The following RAG1 variants were observed in gnomAD, a reference collection of about 807,000 sequenced individuals.
RAG1 encodes V(D)J recombination-activating protein 1.
RAG1 carries 35 observed loss-of-function variants against 62.7 expected under a neutral mutation model. That is an observed-to-expected ratio of 0.56 (90% confidence interval 0.43 to 0.74). RAG1 has a LOEUF of 0.74. Among genes scored for constraint, RAG1 ranks in the 30% least tolerant of loss-of-function variants. RAG1 has a pLI of 0.00. For synonymous variants in RAG1, 461 were observed against 470.3 expected (o/e 0.98, Z 0.26); for missense variants, 1,169 against 1,278.6 (o/e 0.91, Z 1.31).
Position 36,575,087 on chromosome 11 carries a change from A to G in RAG1, c.1783A>G (p.Thr595Ala). Residue 595 changes from threonine to alanine, a missense_variant, in exon 2 of 2, where the codon ACT becomes GCT. By Grantham distance (58) the Thr-to-Ala change is moderately conservative (BLOSUM62 0). Transcript: ENST00000299440. This position sits in a 1 kb window ranked among gnomAD's most constrained non-coding sequence, Gnocchi z 4.1. ...TGATGATTACCTGAATGGCCCCTTCACTGTGGTGGTGAAGGAGTCTTGTGA... is the reference window on the plus strand; with the variant it reads ...TGATGATTACCTGAATGGCCCCTTCGCTGTGGTGGTGAAGGAGTCTTGTGA... ...DLDDYLNGPF[T>A]VVVKESCDGM... 6.2e-7 allele frequency: 1 copy of G among 1,614,168 alleles called. No individual in the cohort carries two copies.
chr11:36,532,319 G>C (rs1018204648), intron 2 of RAG1, among the ~76,000 whole-genome samples: 3 of 151,966 alleles, frequency 2.0e-5, no homozygotes, highest in African/African-American at 7.2e-5. Flanking sequence ...TATGTGTTTT[G>C]TGGGAAGTAT....
intron 2 of RAG1, among the ~76,000 whole-genome samples, chr11:36,524,507 A>G (rs986232348): frequency 1.4e-5 from 2 of 143,672 alleles, no homozygotes; most frequent in South Asian, 2.2e-4. Flanking sequence ...TTTTTTTTTC[A>G]GACAAGGTCT....
intron 2 of RAG1, among the ~76,000 whole-genome samples, chr11:36,524,548 T>C (rs570202631): frequency 6.6e-6 from 1 of 151,662 alleles, no homozygotes; most frequent in East Asian, 1.9e-4. Flanking sequence ...GATGCAGTGA[T>C]GCAATCAGTG....
At chr11:36,570,206 A>G (rs564073040) in intron 1 of RAG1, among the ~76,000 whole-genome samples, 5 of 152,178 alleles carry the variant, frequency 3.3e-5, no homozygotes, top group Non-Finnish European at 7.4e-5. Context: ...CAAAGATAAT[A>G]TATTCAAAAA....
intron 1 of RAG1, among the ~76,000 whole-genome samples, chr11:36,517,242 T>G (rs1860008508): frequency 6.6e-6 from 1 of 152,224 alleles, no homozygotes; most frequent in Non-Finnish European, 1.5e-5. Flanking sequence ...GCAACAGTAT[T>G]ATTTTCAATA....
intron 3 of RAG1, among the ~76,000 whole-genome samples, chr11:36,542,346 G>A (rs1008274540): frequency 3.3e-5 from 5 of 152,224 alleles, no homozygotes; most frequent in African/African-American, 1.2e-4. Flanking sequence ...GTTGTACACA[G>A]GGTAACATAG....
At chr11:36,524,233 C>G (rs1860123683) in intron 2 of RAG1, among the ~76,000 whole-genome samples, 1 of 150,830 alleles carries the variant, frequency 6.6e-6, no homozygotes, top group Non-Finnish European at 1.5e-5. Flanking sequence ...GGAAATATAC[C>G]TAATGTAAAT....
intron 3 of RAG1, among the ~76,000 whole-genome samples, chr11:36,559,440 T>A (rs1850551379): frequency 6.6e-6 from 1 of 152,204 alleles, no homozygotes. Context: ...TTCCAGCTAA[T>A]ATTTTATTAG....
At chr11:36,524,247 G>A (rs1388812389) in intron 2 of RAG1, among the ~76,000 whole-genome samples, 1 of 151,366 alleles carries the variant, frequency 6.6e-6, no homozygotes, top group Non-Finnish European at 1.5e-5. Context: ...TGTAAATGAT[G>A]AGTTAATGGG....
intron 3 of RAG1, among the ~76,000 whole-genome samples, chr11:36,541,057 G>GCTGTGGAACAGACATGAT (rs1860409245): frequency 1.3e-5 from 2 of 152,168 alleles, no homozygotes; most frequent in Admixed American, 1.3e-4. Context: ...GACATGATAT[G>GCTGTGGAACAGACATGAT]ATGGTCTGTT....
rs753534445 is a variant in RAG1, at chr11:36,575,874, C to T, written c.2570C>T (p.Ala857Val). 1.9e-6 allele frequency: 3 copies of T among 1,614,120 alleles called. No individual in the cohort carries two copies. Among genetic ancestry groups the T allele is most frequent in the Non-Finnish European group, 2.5e-6 (3 of 1,180,036 alleles). Residue 857 changes from alanine (A) to valine (V), a missense_variant, in exon 2 of 2, where the codon GCC becomes GTC. By Grantham distance (64) the Ala-to-Val change is moderately conservative (BLOSUM62 0). Coordinates refer to ENST00000299440, the MANE Select transcript of RAG1 (RefSeq NM_000448.3). This position sits in a 1 kb window ranked among gnomAD's most constrained non-coding sequence, Gnocchi z 4.1. Reference sequence around the variant, plus strand: ...ATCATGAGGATGAATGGCAACTTTGCCAGGAAGCTCATGACCAAAGAGACT... The same window carrying T: ...ATCATGAGGATGAATGGCAACTTTGTCAGGAAGCTCATGACCAAAGAGACT... ...KPIMRMNGNFARKLMTKETVD... is the reference protein window; with the variant it reads ...KPIMRMNGNFVRKLMTKETVD...
chr11:36,557,392 C>T (rs1398419708), intron 3 of RAG1, among the ~76,000 whole-genome samples: 5 of 134,348 alleles, frequency 3.7e-5, no homozygotes, highest in Admixed American at 3.7e-4. Context: ...GTCCGTCACC[C>T]CTTTCTTTGA....
intron 2 of RAG1, among the ~76,000 whole-genome samples, chr11:36,523,464 T>C (rs1336394978): frequency 6.6e-6 from 1 of 152,226 alleles, no homozygotes; most frequent in Non-Finnish European, 1.5e-5. Flanking sequence ...ATAAACCTCT[T>C]TCTTTCATAA....
intron 2 of RAG1, among the ~76,000 whole-genome samples, chr11:36,533,265 C>G (rs1329378534): frequency 6.6e-6 from 1 of 152,162 alleles, no homozygotes; most frequent in African/African-American, 2.4e-5. Flanking sequence ...GTTGAGTACT[C>G]GTAAATAAGA....
chr11:36,574,127 A>G lies in RAG1; in HGVS notation c.823A>G (p.Ser275Gly), dbSNP rs772831972. 1.2e-6 allele frequency: 2 copies of G among 1,614,252 alleles called. No homozygotes were observed. Among genetic ancestry groups the G allele is most frequent in the East Asian group, 2.2e-5 (1 of 44,874 alleles). The change falls in exon 2 of 2, where the codon AGT (serine) becomes GGT (glycine). Residue 275 changes from serine to glycine, a missense_variant. Physicochemically the swap from Ser to Gly is moderately conservative, Grantham distance 56 (BLOSUM62 0). This residue lies in a region of RAG1 where 800 missense variants were observed against 943.3 expected (regional missense o/e 0.85). Coordinates refer to ENST00000299440, the MANE Select transcript of RAG1 (RefSeq NM_000448.3). ...KIANCSKIHL[S>G]TKLLAVDFPE... ...CGCCAACTGCAGTAAGATACATCTT[A>G]GTACCAAGCTCCTTGCAGTGGACTT...
chr11:36,558,632 C>T (rs1477677498), intron 3 of RAG1, among the ~76,000 whole-genome samples: 2 of 152,120 alleles, frequency 1.3e-5, no homozygotes, highest in Non-Finnish European at 2.9e-5. Context: ...TTTTTCCATC[C>T]TTTCACTTTT....
chr11:36,529,425 C>A (rs1305396187), intron 2 of RAG1, among the ~76,000 whole-genome samples: 7 of 152,130 alleles, frequency 4.6e-5, no homozygotes, highest in Non-Finnish European at 1.0e-4. Flanking sequence ...TAGAAAAGGT[C>A]TTCGACAAAA....
At chr11:36,562,237 T>C (rs938838764) in intron 3 of RAG1, among the ~76,000 whole-genome samples, 2 of 152,220 alleles carry the variant, frequency 1.3e-5, no homozygotes, top group Admixed American at 1.3e-4. Context: ...AGAGTTTGCC[T>C]TGAAGTGTAG....
At chr11:36,516,161 A>G (rs1859992591) in intron 1 of RAG1, among the ~76,000 whole-genome samples, 1 of 152,232 alleles carries the variant, frequency 6.6e-6, no homozygotes, top group Non-Finnish European at 1.5e-5. Context: ...TTGAGGGAAA[A>G]AATGTACCAG....
Sources: allele counts gnomAD v4.1 joint callset (sites outside exome capture counted in the v4.1 genomes callset), GRCh38; gene constraint gnomAD v4.1.1; regional missense constraint gnomAD v4.1.1; non-coding constraint Gnocchi (gnomAD v3.1); transcripts MANE v1.5; gene names NCBI Gene and HGNC (gene_info 2026-07-23, HGNC 2026-07-21).